The following SH3RF3 variants were observed in gnomAD, a reference collection of about 807,000 sequenced individuals.
SH3RF3 encodes the protein SH3 domain containing ring finger 3, also known as E3 ubiquitin-protein ligase SH3RF3.
SH3RF3 carries 29 observed loss-of-function variants against 66.3 expected under a neutral mutation model. The ratio of observed to expected loss-of-function variants is 0.44; its 90% confidence interval spans 0.33 to 0.60. The LOEUF is 0.60. Ranked by LOEUF, SH3RF3 falls within the 20% of genes least tolerant of loss-of-function variation. SH3RF3 has a pLI of 0.04. For synonymous variants in SH3RF3, 583 were observed against 532.0 expected (o/e 1.10, Z -1.32); for missense variants, 1,194 against 1,190.9 (o/e 1.00, Z -0.04).
chr2:109,430,353 A>G (rs1654232453), intron 5 of SH3RF3, among the ~76,000 whole-genome samples: 1 of 152,132 alleles, frequency 6.6e-6, no homozygotes, highest in Non-Finnish European at 1.5e-5. Context: ...ATTGTTACTG[A>G]TTCACAAGCC....
intron 1 of SH3RF3, among the ~76,000 whole-genome samples, chr2:109,317,936 C>T (rs1459919049): frequency 5.9e-5 from 9 of 152,052 alleles, no homozygotes; most frequent in African/African-American, 1.7e-4. Context: ...TGAGGGGACT[C>T]GCACAACTCT....
chr2:109,154,616 C>G (rs1333526948), intron 1 of SH3RF3, among the ~76,000 whole-genome samples: 1 of 152,218 alleles, frequency 6.6e-6, no homozygotes, highest in Non-Finnish European at 1.5e-5. Context: ...GTCTGTCTTT[C>G]TCTTTGTCCT....
intron 1 of SH3RF3, among the ~76,000 whole-genome samples, chr2:109,134,301 C>T (rs1376861824): frequency 3.9e-5 from 6 of 152,090 alleles, no homozygotes; most frequent in African/African-American, 9.7e-5. Context: ...TGTCGTGGTT[C>T]GGTCTTGGAT....
intron 1 of SH3RF3, among the ~76,000 whole-genome samples, chr2:109,318,001 C>T (rs982858953): frequency 1.3e-5 from 2 of 151,446 alleles, no homozygotes; most frequent in South Asian, 2.1e-4. Context: ...TGCATCTGAA[C>T]GGAAGGCCAG....
intron 1 of SH3RF3, among the ~76,000 whole-genome samples, chr2:109,137,752 C>A (rs1049797885): frequency 6.6e-6 from 1 of 152,232 alleles, no homozygotes; most frequent in African/African-American, 2.4e-5. Flanking sequence ...ACCACCCGTC[C>A]TGATCAGCCG....
chr2:109,317,025 A>G (rs1681902043), intron 1 of SH3RF3, among the ~76,000 whole-genome samples: 1 of 148,948 alleles, frequency 6.7e-6, no homozygotes, highest in Non-Finnish European at 1.5e-5. Flanking sequence ...GTCTGGGTGG[A>G]CCCCAGTTTG....
chr2:109,325,993 C>T (rs60658828), intron 1 of SH3RF3, among the ~76,000 whole-genome samples: 5 of 152,204 alleles, frequency 3.3e-5, no homozygotes, highest in Non-Finnish European at 5.9e-5. Context: ...TAAAGAAGAA[C>T]AACAACAAAC....
In SH3RF3 at chr2:109,473,635, A is replaced by G. The variant is rs377105082; in HGVS notation, c.2149-16970A>G. On this transcript the variant is annotated intron_variant, in intron 8 of 9. Transcript: ENST00000309415. Reference sequence around the variant, plus strand: ...AAAGCACAAACAAGGTTCAAGGGGGAGGGATGAGGGAGCATATGTGTCCTA... The same window carrying G: ...AAAGCACAAACAAGGTTCAAGGGGGGGGGATGAGGGAGCATATGTGTCCTA... Among the ~76,000 whole-genome samples the G allele has an allele frequency of 2.9e-4, 44 of 152,186 alleles. 1 individual carries two copies. Among genetic ancestry groups the G allele is most frequent in the African/African-American group, 9.2e-4 (38 of 41,518 alleles).
intron 1 of SH3RF3, among the ~76,000 whole-genome samples, chr2:109,251,831 AT>A (rs1185344707): frequency 6.6e-6 from 1 of 152,138 alleles, no homozygotes; most frequent in African/African-American, 2.4e-5. Flanking sequence ...TTTAATACCA[AT>A]TTTCTAATCC....
At chr2:109,406,305 T>C (rs909183236) in intron 4 of SH3RF3, among the ~76,000 whole-genome samples, 4 of 152,162 alleles carry the variant, frequency 2.6e-5, no homozygotes, top group African/African-American at 4.8e-5. Context: ...AATCGGGAAA[T>C]GATTGCTTAC....
Position 109,202,726 on chromosome 2 carries a change from C to T in SH3RF3, c.573+72613C>T, listed in dbSNP as rs896188603. Among the ~76,000 whole-genome samples, 8 of 152,298 alleles carry T rather than the reference C, an allele frequency of 5.3e-5. No individual in the cohort carries two copies. In the South Asian group the frequency reaches 1.4e-3, roughly 28 times the overall value. ...TCAGTTTCCCCATCTGGAAACGCCA[C>T]GGCCTTCCCGTGGGGCTGTCGACAG... On this transcript the variant is annotated intron_variant, in intron 1 of 9. Transcript: ENST00000309415.
At chr2:109,220,158 AAGATC>A (rs1398887724) in intron 1 of SH3RF3, among the ~76,000 whole-genome samples, 2 of 152,272 alleles carry the variant, frequency 1.3e-5, no homozygotes, top group Non-Finnish European at 2.9e-5. Context: ...CAAAGAAGCC[AAGATC>A]AGTCAATGAG....
chr2:109,423,444 G>C (rs1189993832), intron 5 of SH3RF3, among the ~76,000 whole-genome samples: 1 of 152,140 alleles, frequency 6.6e-6, no homozygotes, highest in Non-Finnish European at 1.5e-5. Flanking sequence ...AATAACAACA[G>C]TCCCCACATT....
chr2:109,266,289 G>A (rs1356985706), intron 1 of SH3RF3, among the ~76,000 whole-genome samples: 1 of 148,476 alleles, frequency 6.7e-6, no homozygotes, highest in Non-Finnish European at 1.5e-5. Context: ...GCATGTTTGT[G>A]TTGTGTGTAT....
At chr2:109,322,241 C>G (rs190511087) in intron 1 of SH3RF3, among the ~76,000 whole-genome samples, 6 of 152,342 alleles carry the variant, frequency 3.9e-5, no homozygotes, top group African/African-American at 1.2e-4. Flanking sequence ...TCCCTTCTTG[C>G]TGGAACTTTG....
chr2:109,170,024 A>G (rs939850764), intron 1 of SH3RF3, among the ~76,000 whole-genome samples: 2 of 152,208 alleles, frequency 1.3e-5, no homozygotes, highest in South Asian at 2.1e-4. Context: ...TTATCTTCAT[A>G]TGGCTCATAA....
intron 1 of SH3RF3, among the ~76,000 whole-genome samples, chr2:109,256,873 A>G (rs1327938740): frequency 6.6e-6 from 1 of 152,158 alleles, no homozygotes; most frequent in Non-Finnish European, 1.5e-5. Flanking sequence ...GAGACTAACC[A>G]TCAGCCTCTA....
At chr2:109,143,500 T>C (rs1574471973) in intron 1 of SH3RF3, among the ~76,000 whole-genome samples, 1 of 152,110 alleles carries the variant, frequency 6.6e-6, no homozygotes, top group East Asian at 1.9e-4. Flanking sequence ...CTCAGAACTT[T>C]AGGAGGTCAA....
Position 109,135,035 on chromosome 2 carries a change from C to T in SH3RF3, c.573+4922C>T, listed in dbSNP as rs113725103. On this transcript the variant is annotated intron_variant, in intron 1 of 9. Transcript: ENST00000309415. ...ATACTTGGTCTGCCCTTCTGCTCTG[C>T]TCCTCTGTTGGCTTCATTCTCATCC... Among the ~76,000 whole-genome samples, 1,070 of 152,350 alleles carry T rather than the reference C, an allele frequency of 7.0e-3. 16 individuals are homozygous for T. The highest frequency in any genetic ancestry group is 0.025 in the African/African-American group (1,038 of 41,584).
Sources: gnomAD v4.1 joint callset for allele counts (sites outside exome capture counted in the v4.1 genomes callset) on GRCh38, gnomAD v4.1.1 for gene constraint, MANE v1.5 for transcripts, NCBI Gene and HGNC (gene_info 2026-07-23, HGNC 2026-07-21) for gene names.